The following OR2T11 variants were observed in gnomAD, a reference collection of about 807,000 sequenced individuals.
OR2T11 encodes the protein olfactory receptor 2T11.
A neutral mutation model predicts 13.5 loss-of-function variants in OR2T11; 14 were observed. The observed-to-expected ratio is 1.04, with a 90% CI of 0.69 to 1.62. The LOEUF is 1.62. OR2T11 is among the 40% of genes most tolerant of loss of function. The probability of loss-of-function intolerance (pLI) is 0.00; values close to 1 mark genes in which losing one functional copy is unlikely to be tolerated. For missense variants in OR2T11, 410 were observed against 389.7 expected (o/e 1.05, Z -0.44); for synonymous variants, 163 against 154.6 (o/e 1.05, Z -0.40).
chr1:248,628,571 A>C (rs1660555548), intron 1 of OR2T11, among the ~76,000 whole-genome samples: 1 of 141,752 alleles, frequency 7.1e-6, no homozygotes, highest in African/African-American at 2.8e-5. Flanking sequence ...AATGTTCTTA[A>C]CACCAAAAAA....
Position 248,626,563 on chromosome 1 carries a change from G to C in OR2T11, c.566C>G (p.Thr189Arg). ...PAVLKLACAD[T>R]SLYETLMYIC... Reference sequence around the variant, plus strand: ...GTACATCAGAGTTTCATACAAGGACGTGTCTGCACAGGCCAGTTTCAGAAC... The same window carrying C: ...GTACATCAGAGTTTCATACAAGGACCTGTCTGCACAGGCCAGTTTCAGAAC... Residue 189 changes from threonine (T) to arginine (R), a missense_variant, in exon 2 of 2, where the codon ACG becomes AGG. By Grantham distance (71) the Thr-to-Arg change is moderately conservative. Coordinates refer to ENST00000641193, the MANE Select transcript of OR2T11 (RefSeq NM_001001964.2). 6.4e-7 allele frequency: 1 copy of C among 1,571,390 alleles called. No individual in the cohort carries two copies. Among genetic ancestry groups the C allele is most frequent in the Non-Finnish European group, 8.7e-7 (1 of 1,155,030 alleles).
chr1:248,633,963 A>G (rs79251927), intron 1 of OR2T11, among the ~76,000 whole-genome samples: 3,256 of 127,394 alleles, frequency 0.026, 419 homozygotes, highest in South Asian at 0.054. Context: ...TTATCAGTGA[A>G]GCTGGAAATA....
Position 248,634,081 on chromosome 1 carries a change from G to A in OR2T11, c.-145+957C>T, listed in dbSNP as rs372072397. On this transcript the variant is annotated intron_variant, in intron 1 of 1. Coordinates refer to ENST00000641193, the MANE Select transcript of OR2T11 (RefSeq NM_001001964.2). ...AACTTTGTTAATCTTCAGTTTCCAC[G>A]TCGTCTCTTCAAACCCGAGATGCCA... 1.3e-4 allele frequency among the ~76,000 whole-genome samples: 18 copies of A among 140,276 alleles called. 1 individual carries two copies. Among genetic ancestry groups the A allele is most frequent in the Non-Finnish European group, 2.6e-4 (17 of 65,664 alleles). The allele number at this position is 140,276 out of a possible 152,430, so 92.0% of individuals were successfully genotyped here. A position where few individuals can be genotyped will look rare whatever the true frequency, so the allele number is the denominator to read the frequency against.
chr1:248,628,541 A>G (rs191593939), intron 1 of OR2T11, among the ~76,000 whole-genome samples: 1 of 141,362 alleles, frequency 7.1e-6, no homozygotes, highest in East Asian at 2.0e-4. Context: ...TAATCAAAAA[A>G]TGTTTTAGTG....
chr1:248,632,314 A>G (rs1221317157), intron 1 of OR2T11, among the ~76,000 whole-genome samples: 3 of 142,116 alleles, frequency 2.1e-5, no homozygotes, highest in Admixed American at 6.9e-5. Flanking sequence ...CGTATCCTAT[A>G]TTTTCCTAGG....
In OR2T11 at chr1:248,626,318, C is replaced by T. The variant is rs1419010726; in HGVS notation, c.811G>A (p.Val271Met). The change falls in exon 2 of 2, where the codon GTG (valine) becomes ATG (methionine). Residue 271 changes from valine (V) to methionine (M), a missense_variant. Val to Met is a conservative substitution (Grantham distance 21, BLOSUM62 1). Coordinates refer to ENST00000641193, the MANE Select transcript of OR2T11 (RefSeq NM_001001964.2). ...SFHTPEQDKV[V>M]SAFYTIVTPM... The stretch of plus-strand genomic sequence containing the variant: ...GTGACAATGGTATAGAAGGCTGACA[C>T]TACTTTGTCCTGCTCGGGGGTGTGG... The T allele has an allele frequency of 2.5e-6, 4 of 1,572,182 alleles. No homozygotes were observed. Among genetic ancestry groups the T allele is most frequent in the Middle Eastern group, 1.7e-4 (1 of 5,974 alleles).
chr1:248,626,928 G>T lies in OR2T11; in HGVS notation c.201C>A (p.Asp67Glu), dbSNP rs146435261. The T allele has an allele frequency of 6.5e-4, 1,016 of 1,570,936 alleles. 194 individuals carry two copies. In the African/African-American group the frequency reaches 0.013, roughly 21 times the overall value. ...YFLLSQLSIMDTLFICTTVPK... is the reference protein window; with the variant it reads ...YFLLSQLSIMETLFICTTVPK... Reference sequence around the variant, plus strand: ...GGACAGTGGTACAGATGAAAAGGGTGTCCATGATGGACAGCTGACTGAGCA... The same window carrying T: ...GGACAGTGGTACAGATGAAAAGGGTTTCCATGATGGACAGCTGACTGAGCA... The change falls in exon 2 of 2, where the codon GAC becomes GAA. Residue 67 changes from aspartate (D) to glutamate (E), a missense_variant. By Grantham distance (45) the Asp-to-Glu change is conservative (BLOSUM62 2). Coordinates refer to ENST00000641193, the MANE Select transcript of OR2T11 (RefSeq NM_001001964.2).
At position 248,632,337 on chromosome 1, in the gene OR2T11, C is replaced by T. The variant is rs1660626021; in HGVS notation, c.-145+2701G>A. On this transcript the variant is annotated intron_variant, in intron 1 of 1. Coordinates refer to ENST00000641193, the MANE Select transcript of OR2T11 (RefSeq NM_001001964.2). ...ATATTTTCCTAGGTACTGAAGACCT[C>T]TAATGGACAGATTTTTTTAAAAGAT... 2.1e-5 allele frequency among the ~76,000 whole-genome samples: 3 copies of T among 140,548 alleles called. 1 individual carries two copies. Among genetic ancestry groups the T allele is most frequent in the African/African-American group, 8.5e-5 (3 of 35,222 alleles). 92.2% of individuals were successfully genotyped at this position (140,548 alleles called of 152,430 possible).
intron 1 of OR2T11, 51 bp from the exon 2 acceptor site, chr1:248,627,323 G>T: frequency 1.8e-6 from 1 of 543,610 alleles, no homozygotes; most frequent in South Asian, 2.3e-5. Flanking sequence ...AAAAACCATG[G>T]CTGCATTTCC....
In OR2T11 at chr1:248,627,117, T is replaced by C. The variant is rs1403307209; in HGVS notation, c.12A>G (p.Thr4=). The C allele has an allele frequency of 6.5e-7, 1 of 1,542,712 alleles. No homozygotes were observed. Among genetic ancestry groups the C allele is most frequent in the Non-Finnish European group, 8.8e-7 (1 of 1,131,758 alleles). Residue 4 remains threonine (T), a synonymous_variant, in exon 2 of 2, where the codon ACA becomes ACG. Transcript: ENST00000641193. ...CCAGGAGGGTGAAGTCAGAGGATGA[T>C]GTGTTCGTCATTGATATGGCCCACG... MTN[T]SSSDFTLLGL...
chr1:248,631,914 T>C (rs1315297779), intron 1 of OR2T11, among the ~76,000 whole-genome samples: 1 of 143,744 alleles, frequency 7.0e-6, no homozygotes, highest in East Asian at 2.0e-4. Flanking sequence ...GCTGTCAACA[T>C]GAAGCCCTGT....
At chr1:248,632,185 A>G (rs1660623973) in intron 1 of OR2T11, among the ~76,000 whole-genome samples, 1 of 144,122 alleles carries the variant, frequency 6.9e-6, no homozygotes, top group South Asian at 2.2e-4. Context: ...GAAAAATTAC[A>G]GAAGTGTGAA....
At position 248,624,090 on chromosome 1, in the gene OR2T11, A is replaced by T. The variant is rs1660480563; in HGVS notation, c.*2088T>A. 1.4e-5 allele frequency: 2 copies of T among 142,080 alleles called. 1 individual carries two copies. Among genetic ancestry groups the T allele is most frequent in the South Asian group, 4.5e-4 (2 of 4,442 alleles). 8.8% of individuals were successfully genotyped at this position (142,080 alleles called of 1,614,324 possible). On this transcript the variant is annotated 3_prime_UTR_variant, in exon 2 of 2. Coordinates refer to ENST00000641193, the MANE Select transcript of OR2T11 (RefSeq NM_001001964.2). ...TTGTCACTGAGTTGGCCATGCTCTT[A>T]CAAAAGTTCAAACTCTCCACTTCTA...
At position 248,626,145 on chromosome 1, in the gene OR2T11, CT is replaced by C. The variant is rs1660512175; in HGVS notation, c.*32del. 7.3e-6 allele frequency: 9 copies of C among 1,228,984 alleles called. 2 individuals are homozygous for C. The East Asian group carries it at 2.1e-4, about 29-fold the overall frequency. The allele number at this position is 1,228,984 out of a possible 1,614,324, so 76.1% of individuals were successfully genotyped here. ...GGAAACAGGGCAAATGGAGGAAGTC[CT>C]TAGGAAGCCTTATCCTCTGGGCAGT... On this transcript the variant is annotated 3_prime_UTR_variant, in exon 2 of 2. Coordinates refer to ENST00000641193, the MANE Select transcript of OR2T11 (RefSeq NM_001001964.2).
rs1387882360 is a variant in OR2T11 at position 248,624,342 on chromosome 1, C to T, written c.*1836G>A. The stretch of plus-strand genomic sequence containing the variant: ...AAATTCATACTCAACTTACCTTATC[C>T]ACTTCCTCCCCCTTGATTTTACCCT... On this transcript the variant is annotated 3_prime_UTR_variant, in exon 2 of 2. Transcript: ENST00000641193. 1 of 142,722 alleles carries T rather than the reference C, an allele frequency of 7.0e-6. No individual in the cohort carries two copies. The highest frequency in any genetic ancestry group is 2.8e-5 in the African/African-American group (1 of 36,126). The allele number at this position is 142,722 out of a possible 1,614,324, so 8.8% of individuals were successfully genotyped here. A position where few individuals can be genotyped will look rare whatever the true frequency, so the allele number is the denominator to read the frequency against.
chr1:248,627,910 T>C (rs1331642941), intron 1 of OR2T11, among the ~76,000 whole-genome samples: 1 of 143,186 alleles, frequency 7.0e-6, no homozygotes, highest in Non-Finnish European at 1.5e-5. Flanking sequence ...TTTGCAGATC[T>C]TTCTTCAGAT....
rs1457567840 is a variant in OR2T11 at position 248,629,980 on chromosome 1, G to A, written c.-144-2708C>T. ...GTTTTGTGTCTCTTCAAGCTAGAAA[G>A]TAAGCTTCATGTGAATAAGGATTTG... is the stretch of plus-strand genomic sequence containing the variant. On this transcript the variant is annotated intron_variant, in intron 1 of 1. Coordinates refer to ENST00000641193, the MANE Select transcript of OR2T11 (RefSeq NM_001001964.2). 2.2e-5 allele frequency among the ~76,000 whole-genome samples: 3 copies of A among 137,658 alleles called. 1 individual carries two copies. Among genetic ancestry groups the A allele is most frequent in the Middle Eastern group, 7.0e-3 (2 of 284 alleles). The allele number at this position is 137,658 out of a possible 152,430, so 90.3% of individuals were successfully genotyped here. A position where few individuals can be genotyped will look rare whatever the true frequency, so the allele number is the denominator to read the frequency against.
Position 248,626,813 on chromosome 1 carries a change from C to G in OR2T11, c.316G>C (p.Gly106Arg), listed in dbSNP as rs202102532. 1.3e-5 allele frequency: 21 copies of G among 1,571,588 alleles called. 3 individuals carry two copies. Among genetic ancestry groups the G allele is most frequent in the Non-Finnish European group, 1.5e-5 (17 of 1,155,652 alleles). Residue 106 changes from glycine (G) to arginine (R), a missense_variant, in exon 2 of 2, where the codon GGT becomes CGT. Physicochemically the swap from Gly to Arg is moderately radical, Grantham distance 125. Transcript: ENST00000641193. Reference sequence around the variant, plus strand: ...AGGCCCAGGAGGAAGAACTCAGAACCAATCATGGTCAGGTAGAGGAAGATC... The same window carrying G: ...AGGCCCAGGAGGAAGAACTCAGAACGAATCATGGTCAGGTAGAGGAAGATC... ...IQIFLYLTMI[G>R]SEFFLLGLMA...
At chr1:248,627,711 C>T (rs753580030) in intron 1 of OR2T11, among the ~76,000 whole-genome samples, 1 of 142,836 alleles carries the variant, frequency 7.0e-6, no homozygotes, top group Non-Finnish European at 1.5e-5. Flanking sequence ...ATGGATGTAT[C>T]GCATAGTGGA....
Sources: allele counts gnomAD v4.1 joint callset (sites outside exome capture counted in the v4.1 genomes callset), GRCh38; gene constraint gnomAD v4.1.1; transcripts MANE v1.5; gene names NCBI Gene and HGNC (gene_info 2026-07-23, HGNC 2026-07-21).